KSR1: variants seen among roughly 807,000 people sequenced by gnomAD.
KSR1 encodes the protein kinase suppressor of ras.
KSR1 carries 35 observed loss-of-function variants against 92.9 expected under a neutral mutation model. The observed-to-expected ratio is 0.38, with a 90% CI of 0.29 to 0.50. KSR1 has a LOEUF of 0.50. Among genes scored for constraint, KSR1 ranks in the 20% least tolerant of loss-of-function variants. KSR1 has a pLI of 0.94. For missense variants in KSR1, 972 were observed against 1,158.5 expected (o/e 0.84, Z 2.34); for synonymous variants, 467 against 472.6 (o/e 0.99, Z 0.15).
chr17:27,529,598 A>G (rs2070456649), intron 1 of KSR1, among the ~76,000 whole-genome samples: 1 of 152,046 alleles, frequency 6.6e-6, no homozygotes, highest in Non-Finnish European at 1.5e-5. Flanking sequence ...ATCTGCCCAT[A>G]TGTTTCCATT....
In KSR1 at chr17:27,577,720, CG is replaced by C; in HGVS notation, c.520+85del. 4 of 1,219,564 alleles carry C rather than the reference CG, an allele frequency of 3.3e-6. No homozygotes were observed. The highest frequency in any genetic ancestry group is 4.7e-6 in the Non-Finnish European group (4 of 858,014). 75.5% of individuals were successfully genotyped at this position (1,219,564 alleles called of 1,614,324 possible). Reference sequence around the variant, plus strand: ...GCCTTCACTATGGTGGGTGATGGAGCGGGGCAAGCGTGGCCCAGGGTTTCTG... The same window carrying C: ...GCCTTCACTATGGTGGGTGATGGAGCGGGCAAGCGTGGCCCAGGGTTTCTG... On this transcript the variant is annotated intron_variant, in intron 3 of 20. Transcript: ENST00000644974. This position sits in a 1 kb window ranked among gnomAD's most constrained non-coding sequence, Gnocchi z 4.5.
At chr17:27,520,773 C>T (rs989039288) in intron 1 of KSR1, among the ~76,000 whole-genome samples, 3 of 152,326 alleles carry the variant, frequency 2.0e-5, no homozygotes, top group African/African-American at 2.4e-5. Context: ...GAGGGTGGGG[C>T]GGCCCCCTGC....
chr17:27,620,223 T>G (rs756802641), intron 19 of KSR1, among the ~76,000 whole-genome samples: 24 of 152,098 alleles, frequency 1.6e-4, no homozygotes, highest in Admixed American at 1.3e-4. Flanking sequence ...TGGGTCGGAG[T>G]CCAGTACAAC....
chr17:27,590,536 C>T (rs1014652065), intron 6 of KSR1, among the ~76,000 whole-genome samples: 14 of 152,206 alleles, frequency 9.2e-5, no homozygotes, highest in Non-Finnish European at 2.9e-5. Context: ...AGGGTATGCG[C>T]ACTTGTACTC....
At chr17:27,616,062 A>G (rs1367627518) in intron 18 of KSR1, among the ~76,000 whole-genome samples, 1 of 152,202 alleles carries the variant, frequency 6.6e-6, no homozygotes, top group Non-Finnish European at 1.5e-5. Context: ...GTGAAATTTC[A>G]TAAACATATA....
chr17:27,571,718 C>A (rs1028658058), intron 2 of KSR1, among the ~76,000 whole-genome samples: 1 of 152,256 alleles, frequency 6.6e-6, no homozygotes, highest in African/African-American at 2.4e-5. Flanking sequence ...AACAGAAACA[C>A]AGAGCCTGGG....
intron 2 of KSR1, among the ~76,000 whole-genome samples, chr17:27,565,676 C>CA (rs1246262437): frequency 5.3e-5 from 8 of 152,338 alleles, no homozygotes; most frequent in African/African-American, 1.9e-4. Flanking sequence ...CCACCTGCCT[C>CA]AGCCTCCCAA....
intron 1 of KSR1, among the ~76,000 whole-genome samples, chr17:27,474,767 C>T (rs769481330): frequency 1.3e-5 from 2 of 152,112 alleles, no homozygotes; most frequent in Non-Finnish European, 2.9e-5. Flanking sequence ...CCTTGTGGAA[C>T]TTACGCTTCA....
chr17:27,581,354 A>G (rs2072746881), intron 3 of KSR1, among the ~76,000 whole-genome samples: 1 of 152,174 alleles, frequency 6.6e-6, no homozygotes, highest in Non-Finnish European at 1.5e-5. Context: ...TAAAGTTCTT[A>G]GCAAGACATT....
At chr17:27,587,532 C>T (rs1219413715) in intron 5 of KSR1, 2 of 152,210 alleles carry the variant, frequency 1.3e-5, no homozygotes, top group Non-Finnish European at 2.9e-5. Flanking sequence ...TCACAGGTCA[C>T]CTTGATGATT....
chr17:27,610,290 G>T, intron 17 of KSR1, 92 bp downstream of exon 17: 2 of 1,549,450 alleles, frequency 1.3e-6, no homozygotes, highest in Non-Finnish European at 8.8e-7. Context: ...GCTTTTAGGT[G>T]TTGAAAACCC....
rs183782158 is a variant in KSR1 at position 27,460,172 on chromosome 17, G to C, written c.231+3298G>C. ...CCGAGGCAAACGGGAATGTTCTTAT[G>C]CCCCAGTGTACTCACAGAGGGACAC... On this transcript the variant is annotated intron_variant, in intron 1 of 20. Coordinates refer to ENST00000644974, the MANE Select transcript of KSR1 (RefSeq NM_001394583.1). 2.6e-5 allele frequency among the ~76,000 whole-genome samples: 4 copies of C among 152,216 alleles called. 1 individual carries two copies. In the South Asian group the frequency reaches 8.3e-4, roughly 32 times the overall value.
intron 2 of KSR1, chr17:27,566,538 C>T (rs1041471298): frequency 1.3e-5 from 5 of 398,960 alleles, no homozygotes; most frequent in Admixed American, 4.4e-5. Context: ...AAGAGAAGCC[C>T]GAGGCGTGAG....
At chr17:27,510,477 A>G (rs1337461563) in intron 1 of KSR1, among the ~76,000 whole-genome samples, 1 of 152,216 alleles carries the variant, frequency 6.6e-6, no homozygotes, top group African/African-American at 2.4e-5. Context: ...CATTTTGTGT[A>G]GTTTAATGGA....
At chr17:27,508,744 T>TATTTATTTATTTATTG in intron 1 of KSR1, among the ~76,000 whole-genome samples, 1 of 151,674 alleles carries the variant, frequency 6.6e-6, no homozygotes, top group African/African-American at 2.4e-5. Context: ...TTTATTTATT[T>TATTTATTTATTTATTG]ATTGAGGTAG....
At chr17:27,581,776 C>T (rs371599134) in intron 3 of KSR1, among the ~76,000 whole-genome samples, 1 of 152,182 alleles carries the variant, frequency 6.6e-6, no homozygotes, top group East Asian at 1.9e-4. Flanking sequence ...TTCCACCCAG[C>T]ATCCAGCATG....
At chr17:27,619,059 A>G (rs973216617) in intron 19 of KSR1, among the ~76,000 whole-genome samples, 1 of 152,160 alleles carries the variant, frequency 6.6e-6, no homozygotes, top group African/African-American at 2.4e-5. Context: ...GTCCCGCTCT[A>G]TAAAACCCAT....
intron 4 of KSR1, among the ~76,000 whole-genome samples, chr17:27,584,840 G>A (rs2072908519): frequency 6.6e-6 from 1 of 152,128 alleles, no homozygotes; most frequent in Admixed American, 6.5e-5. Flanking sequence ...GGAGGCTCAG[G>A]GTGTGTCCCT....
intron 2 of KSR1, among the ~76,000 whole-genome samples, chr17:27,569,386 G>A (rs1364422474): frequency 6.6e-6 from 1 of 152,236 alleles, no homozygotes; most frequent in Non-Finnish European, 1.5e-5. Context: ...CAAGATGTGG[G>A]TGTGCCCGCA....
Sources: gnomAD v4.1 joint callset for allele counts (sites outside exome capture counted in the v4.1 genomes callset) on GRCh38, gnomAD v4.1.1 for gene constraint, Gnocchi (gnomAD v3.1) non-coding constraint, MANE v1.5 for transcripts, NCBI Gene and HGNC (gene_info 2026-07-23, HGNC 2026-07-21) for gene names.